DARS1: variants seen among roughly 807,000 people sequenced by gnomAD.
DARS1 encodes the protein aspartyl-tRNA synthetase 1.
DARS1 carries 51 observed loss-of-function variants against 68.8 expected under a neutral mutation model. That is an observed-to-expected ratio of 0.74 (90% CI 0.59 to 0.94). The LOEUF is 0.94. Among genes scored for constraint, DARS1 ranks in the 40% least tolerant of loss-of-function variants. The probability of loss-of-function intolerance (pLI) is 0.00; values close to 1 mark genes in which losing one functional copy is unlikely to be tolerated. For synonymous variants in DARS1, 203 were observed against 190.4 expected (o/e 1.07, Z -0.55); for missense variants, 607 against 597.3 (o/e 1.02, Z -0.17).
chr2:135,920,676 T>C, intron 9 of DARS1, 76 bp from the exon 10 acceptor site: 1 of 1,467,680 alleles, frequency 6.8e-7, no homozygotes, highest in Non-Finnish European at 9.0e-7. Flanking sequence ...AATACAAACT[T>C]TTATTTAGTT....
chr2:135,957,033 G>A (rs370183588), intron 4 of DARS1, among the ~76,000 whole-genome samples: 5 of 152,074 alleles, frequency 3.3e-5, no homozygotes, highest in African/African-American at 1.2e-4. Context: ...CCATAGTGCT[G>A]GGATTACAGG....
chr2:135,947,822 T>TG (rs898654951), intron 4 of DARS1, among the ~76,000 whole-genome samples: 2 of 146,824 alleles, frequency 1.4e-5, no homozygotes, highest in African/African-American at 2.5e-5. Context: ...ATAGTTTCTG[T>TG]GAAAAAAAAA....
At chr2:135,925,160 T>A (rs1681187108) in intron 7 of DARS1, among the ~76,000 whole-genome samples, 1 of 152,124 alleles carries the variant, frequency 6.6e-6, no homozygotes, top group African/African-American at 2.4e-5. Context: ...CCTATTTACT[T>A]TTAGCCTCAA....
At chr2:135,943,130 A>G in intron 5 of DARS1, 1 of 365,432 alleles carries the variant, frequency 2.7e-6, no homozygotes, top group South Asian at 4.9e-5. Context: ...AGCCCAGCCA[A>G]TGTTGCATGG....
In DARS1 at chr2:135,975,288, T is replaced by C. The variant is rs1334494292; in HGVS notation, c.217+3986A>G. Reference sequence around the variant, plus strand: ...TGAACCTGGGAGGCGGAGTTTGCAGTGAGCGGAGACTGTGCCACTGCACTC... The same window carrying C: ...TGAACCTGGGAGGCGGAGTTTGCAGCGAGCGGAGACTGTGCCACTGCACTC... On this transcript the variant is annotated intron_variant, in intron 3 of 15. Transcript: ENST00000264161. 2.0e-5 allele frequency among the ~76,000 whole-genome samples: 3 copies of C among 152,078 alleles called. No individual in the cohort carries two copies. In the East Asian group the frequency reaches 5.8e-4, roughly 29 times the overall value.
intron 4 of DARS1, among the ~76,000 whole-genome samples, chr2:135,947,688 C>T (rs977300855): frequency 6.6e-6 from 1 of 151,962 alleles, no homozygotes; most frequent in African/African-American, 2.4e-5. Flanking sequence ...GATTATTGCA[C>T]TAGACAGTTC....
chr2:135,959,592 T>C (rs1682057881), intron 4 of DARS1, among the ~76,000 whole-genome samples: 1 of 152,044 alleles, frequency 6.6e-6, no homozygotes, highest in Admixed American at 6.6e-5. Context: ...ACATCTGATA[T>C]AGTCAATCGC....
intron 7 of DARS1, among the ~76,000 whole-genome samples, chr2:135,931,619 CAAAGTA>C (rs1331345685): frequency 6.6e-6 from 1 of 151,998 alleles, no homozygotes; most frequent in Non-Finnish European, 1.5e-5. Context: ...AATGTAAAGT[CAAAGTA>C]AGAGTTAAGC....
intron 15 of DARS1, among the ~76,000 whole-genome samples, chr2:135,910,568 C>G (rs1680874601): frequency 6.6e-6 from 1 of 151,766 alleles, no homozygotes; most frequent in African/African-American, 2.4e-5. Context: ...TTTTCTGTAC[C>G]ATCTGTTGAA....
intron 4 of DARS1, among the ~76,000 whole-genome samples, chr2:135,947,236 T>C (rs1214272797): frequency 2.6e-5 from 4 of 151,734 alleles, no homozygotes; most frequent in Non-Finnish European, 5.9e-5. Context: ...TGAAACCCAG[T>C]CTCTACTAAA....
intron 4 of DARS1, among the ~76,000 whole-genome samples, chr2:135,950,563 G>C (rs1681819231): frequency 6.6e-6 from 1 of 152,136 alleles, no homozygotes; most frequent in Non-Finnish European, 1.5e-5. Context: ...TTTAGATGTT[G>C]GTGATGTACT....
At chr2:135,919,000 T>A (rs1215714872) in intron 10 of DARS1, among the ~76,000 whole-genome samples, 3 of 152,230 alleles carry the variant, frequency 2.0e-5, no homozygotes, top group African/African-American at 7.2e-5. Flanking sequence ...GCACTTATGC[T>A]ACAGTATTCT....
In DARS1 at chr2:135,920,585, T is replaced by C. The variant is rs1212236017; in HGVS notation, c.827A>G (p.Asp276Gly). 6.2e-7 allele frequency: 1 copy of C among 1,604,186 alleles called. No homozygotes were observed. Among genetic ancestry groups the C allele is most frequent in the Non-Finnish European group, 8.5e-7 (1 of 1,176,714 alleles). The change falls in exon 10 of 16, where the codon GAC becomes GGC. Residue 276 changes from aspartate to glycine, a missense_variant. Asp to Gly is a moderately conservative substitution (Grantham distance 94). Transcript: ENST00000264161. ...FSIGPVFRAEDSNTHRHLTEF... is the reference protein window; with the variant it reads ...FSIGPVFRAEGSNTHRHLTEF... Reference sequence around the variant, plus strand: ...AGTTAGATGTCTATGGGTATTAGAGTCTTCCGCTCTGAATACTGTGAAGTT... The same window carrying C: ...AGTTAGATGTCTATGGGTATTAGAGCCTTCCGCTCTGAATACTGTGAAGTT...
chr2:135,971,847 T>C (rs1682377772), intron 3 of DARS1, among the ~76,000 whole-genome samples: 1 of 151,680 alleles, frequency 6.6e-6, no homozygotes, highest in South Asian at 2.1e-4. Flanking sequence ...CCACATACAA[T>C]AACCACAAAT....
intron 5 of DARS1, among the ~76,000 whole-genome samples, chr2:135,939,289 C>A (rs1168948421): frequency 1.3e-5 from 2 of 152,166 alleles, no homozygotes; most frequent in Non-Finnish European, 2.9e-5. Context: ...TGTAAAAGAA[C>A]AGAAATTATA....
intron 8 of DARS1, among the ~76,000 whole-genome samples, chr2:135,923,366 T>C (rs1413147031): frequency 6.6e-6 from 1 of 152,156 alleles, no homozygotes; most frequent in Admixed American, 6.5e-5. Context: ...CTCGGCTCAC[T>C]GCAACCTCCG....
At chr2:135,913,713 G>A (rs1237882603) in intron 12 of DARS1, among the ~76,000 whole-genome samples, 3 of 151,648 alleles carry the variant, frequency 2.0e-5, no homozygotes, top group African/African-American at 7.3e-5. Flanking sequence ...AGCCAAGATA[G>A]TGCCATTGCA....
intron 3 of DARS1, among the ~76,000 whole-genome samples, chr2:135,977,651 C>A (rs577454132): frequency 8.5e-5 from 13 of 152,272 alleles, no homozygotes; most frequent in Non-Finnish European, 1.8e-4. Context: ...GGCAAATCAA[C>A]ATTATTTGAA....
chr2:135,954,883 T>G (rs1244559725), intron 4 of DARS1, among the ~76,000 whole-genome samples: 2 of 152,082 alleles, frequency 1.3e-5, no homozygotes, highest in Non-Finnish European at 2.9e-5. Context: ...AGCATAACCT[T>G]TACACTAATA....
Sources: allele counts gnomAD v4.1 joint callset (sites outside exome capture counted in the v4.1 genomes callset), GRCh38; gene constraint gnomAD v4.1.1; transcripts MANE v1.5; gene names NCBI Gene and HGNC (gene_info 2026-07-23, HGNC 2026-07-21).